Variants in MTUS2 observed in about 807,000 individuals in gnomAD.
MTUS2 encodes the protein microtubule-associated tumor suppressor candidate 2.
Under a neutral mutation model 114.1 loss-of-function variants are expected in MTUS2, and 40 were observed. That is an observed-to-expected ratio of 0.35 (90% confidence interval 0.27 to 0.46). The LOEUF is 0.46. Ranked by LOEUF, MTUS2 falls within the 20% of genes least tolerant of loss-of-function variation. The probability of loss-of-function intolerance (pLI) is 1.00; values close to 1 mark genes in which losing one functional copy is unlikely to be tolerated. For missense variants in MTUS2, 1,679 were observed against 1,705.4 expected (o/e 0.98, Z 0.27); for synonymous variants, 688 against 672.0 (o/e 1.02, Z -0.37).
intron 5 of MTUS2, among the ~76,000 whole-genome samples, chr13:29,134,747 G>T (rs577147039): frequency 2.0e-5 from 3 of 152,078 alleles, no homozygotes; most frequent in Admixed American, 2.0e-4. Context: ...ACAGGCATCC[G>T]CCACACACCT....
intron 4 of MTUS2, among the ~76,000 whole-genome samples, chr13:29,068,736 C>T (rs180956309): frequency 6.6e-6 from 1 of 152,182 alleles, no homozygotes; most frequent in East Asian, 1.9e-4. Context: ...AGAAAGGGTG[C>T]TTCAGACAGA....
intron 8 of MTUS2, among the ~76,000 whole-genome samples, chr13:29,427,030 C>T (rs1286370105): frequency 6.6e-6 from 1 of 152,172 alleles, no homozygotes; most frequent in East Asian, 1.9e-4. Flanking sequence ...TGAGGTCTGC[C>T]CAAGCTCACT....
At chr13:29,130,663 G>A (rs1270657538) in intron 5 of MTUS2, among the ~76,000 whole-genome samples, 1 of 151,832 alleles carries the variant, frequency 6.6e-6, no homozygotes, top group Non-Finnish European at 1.5e-5. Flanking sequence ...GCCTTGCTCT[G>A]TTGCCAGGCC....
intron 5 of MTUS2, among the ~76,000 whole-genome samples, chr13:29,259,637 T>C (rs1379962262): frequency 6.6e-6 from 1 of 152,234 alleles, no homozygotes; most frequent in Non-Finnish European, 1.5e-5. Context: ...GATTTTATGA[T>C]AGATTTTAAG....
intron 5 of MTUS2, among the ~76,000 whole-genome samples, chr13:29,166,156 C>G (rs1205533645): frequency 1.3e-5 from 2 of 152,130 alleles, no homozygotes; most frequent in African/African-American, 4.8e-5. Flanking sequence ...AATGAGGACA[C>G]AGGACATTAA....
intron 2 of MTUS2, among the ~76,000 whole-genome samples, chr13:29,016,949 A>G (rs904200273): frequency 2.6e-5 from 4 of 152,220 alleles, no homozygotes; most frequent in African/African-American, 9.7e-5. Flanking sequence ...CAGAGCATCA[A>G]GTGTTAGATT....
chr13:29,426,375 A>T (rs1335801227), intron 8 of MTUS2, among the ~76,000 whole-genome samples: 1 of 152,216 alleles, frequency 6.6e-6, no homozygotes, highest in Non-Finnish European at 1.5e-5. Flanking sequence ...TTGTAAGTCA[A>T]GGAGTTTTCT....
chr13:28,936,756 T>G (rs1295873459), intron 2 of MTUS2, among the ~76,000 whole-genome samples: 1 of 152,202 alleles, frequency 6.6e-6, no homozygotes, highest in Non-Finnish European at 1.5e-5. Flanking sequence ...TTGGGTTGTC[T>G]TCTGCTTTCT....
rs375461221 is a variant in MTUS2 at position 29,400,938 on chromosome 13, G to A, written c.3118-39045G>A. Among the ~76,000 whole-genome samples the A allele has an allele frequency of 4.5e-3, 679 of 152,194 alleles. 4 individuals carry two copies. Among genetic ancestry groups the A allele is most frequent in the South Asian group, 0.023 (110 of 4,822 alleles). Reference sequence around the variant, plus strand: ...TGCATATTGATTTGTGATAAATTACGTATTAGAGAGCCTAGCGTTGTGTCT... The same window carrying A: ...TGCATATTGATTTGTGATAAATTACATATTAGAGAGCCTAGCGTTGTGTCT... On this transcript the variant is annotated intron_variant, in intron 8 of 15. Coordinates refer to ENST00000612955, the MANE Select transcript of MTUS2 (RefSeq NM_001033602.4).
chr13:28,941,576 CAG>C (rs1163778170), intron 2 of MTUS2, among the ~76,000 whole-genome samples: 4 of 151,416 alleles, frequency 2.6e-5, no homozygotes, highest in East Asian at 1.9e-4. Flanking sequence ...TTTAGCTTAA[CAG>C]AAGATATAGC....
Position 29,004,216 on chromosome 13 carries a change from G to GCATA in MTUS2, c.-242-20238_-242-20237insACAT, listed in dbSNP as rs530254029. ...GCACATGTATTGTGCATGCATGCAT[G>GCATA]CATGTACATGCATTAACTGAAAAAG... On this transcript the variant is annotated intron_variant, in intron 2 of 15. Transcript: ENST00000612955. 3.7e-3 allele frequency among the ~76,000 whole-genome samples: 557 copies of GCATA among 152,150 alleles called. 1 individual carries two copies. The highest frequency in any genetic ancestry group is 0.013 in the African/African-American group (520 of 41,520).
chr13:29,331,792 T>G (rs1302602055), intron 7 of MTUS2, among the ~76,000 whole-genome samples: 2 of 152,172 alleles, frequency 1.3e-5, no homozygotes, highest in African/African-American at 2.4e-5. Flanking sequence ...TTATCAAAGG[T>G]CTTTTCTGCA....
At chr13:28,924,447 C>T (rs944994060) in intron 2 of MTUS2, among the ~76,000 whole-genome samples, 4 of 152,208 alleles carry the variant, frequency 2.6e-5, no homozygotes, top group Non-Finnish European at 4.4e-5. Context: ...TCCTCCCGCT[C>T]TTGAGTACAG....
intron 4 of MTUS2, among the ~76,000 whole-genome samples, chr13:29,036,809 A>G (rs9579264): frequency 0.45 from 66,723 of 149,264 alleles, 15,090 homozygotes; most frequent in Admixed American, 0.49. Context: ...AGTCTGTTTT[A>G]TCAGAGATTA....
chr13:28,891,955 C>T (rs1369471429), intron 2 of MTUS2, among the ~76,000 whole-genome samples: 1 of 151,318 alleles, frequency 6.6e-6, no homozygotes, highest in Non-Finnish European at 1.5e-5. Flanking sequence ...GGTCTAGCTT[C>T]TCCCCTAAGA....
Position 29,016,093 on chromosome 13 carries a change from C to T in MTUS2, c.-242-8364C>T, listed in dbSNP as rs181956932. On this transcript the variant is annotated intron_variant, in intron 2 of 15. Coordinates refer to ENST00000612955, the MANE Select transcript of MTUS2 (RefSeq NM_001033602.4). Reference sequence around the variant, plus strand: ...CTAATTTTTGTATTTTTAGTAGAGACGGGGTTTCACCATGCTTGTCAGGCT... The same window carrying T: ...CTAATTTTTGTATTTTTAGTAGAGATGGGGTTTCACCATGCTTGTCAGGCT... Among the ~76,000 whole-genome samples the T allele has an allele frequency of 3.7e-3, 565 of 152,046 alleles. 2 individuals carry two copies. Among genetic ancestry groups the T allele is most frequent in the African/African-American group, 0.013 (522 of 41,482 alleles).
At chr13:29,444,961 A>G (rs1488626776) in intron 9 of MTUS2, among the ~76,000 whole-genome samples, 1 of 152,138 alleles carries the variant, frequency 6.6e-6, no homozygotes, top group Non-Finnish European at 1.5e-5. Flanking sequence ...TCCTGGTTAG[A>G]TGGACTTTGG....
Position 29,468,585 on chromosome 13 carries a change from TACAC to T in MTUS2, c.3185-11541_3185-11538del, listed in dbSNP as rs59451142. 7.4e-4 allele frequency among the ~76,000 whole-genome samples: 108 copies of T among 146,826 alleles called. No homozygotes were observed. The Middle Eastern group carries it at 0.01, about 14-fold the overall frequency. On this transcript the variant is annotated intron_variant, in intron 9 of 15. Transcript: ENST00000612955. ...GACAGGGTGAGACCCTGTCTCAAAATACACACACACACACACACACACACACATT... is the reference window on the plus strand; with the variant it reads ...GACAGGGTGAGACCCTGTCTCAAAATACACACACACACACACACACACATT...
intron 2 of MTUS2, among the ~76,000 whole-genome samples, chr13:28,910,534 C>T (rs961873767): frequency 6.6e-6 from 1 of 152,066 alleles, no homozygotes; most frequent in Non-Finnish European, 1.5e-5. Context: ...TCCTGATGCT[C>T]TTCCTCCCCC....
Sources: allele counts gnomAD v4.1 joint callset (sites outside exome capture counted in the v4.1 genomes callset), GRCh38; gene constraint gnomAD v4.1.1; transcripts MANE v1.5; gene names NCBI Gene and HGNC (gene_info 2026-07-23, HGNC 2026-07-21).